The following DLG2 variants were observed in gnomAD, a reference collection of about 807,000 sequenced individuals.
DLG2 encodes the protein discs large MAGUK scaffold protein 2, also known as disks large homolog 2.
Under a neutral mutation model 132.5 loss-of-function variants are expected in DLG2, and 45 were observed. The observed-to-expected ratio is 0.34, with a 90% confidence interval of 0.27 to 0.44. The LOEUF (loss-of-function observed/expected upper bound fraction) is 0.44, where lower values mean the gene tolerates loss of function less well. DLG2 is among the 20% of genes least tolerant of loss of function. The pLI, the probability that DLG2 is intolerant of heterozygous loss-of-function variation, is 1.00. For missense variants in DLG2, 1,045 were observed against 1,196.9 expected, an observed-to-expected ratio of 0.87 and a Z score of 1.87; for synonymous variants, 424 against 419.6, an observed-to-expected ratio of 1.01 and a Z score of -0.13.
chr11:83,927,344 C>T (rs1043189131), intron 15 of DLG2, among the ~76,000 whole-genome samples: 1 of 152,032 alleles, frequency 6.6e-6, no homozygotes, highest in Admixed American at 6.6e-5. Flanking sequence ...TTGCTTGAGT[C>T]TTATGAAAAA....
chr11:84,454,716 G>C (rs144987981), intron 7 of DLG2, among the ~76,000 whole-genome samples: 478 of 151,534 alleles, frequency 3.2e-3, no homozygotes, highest in African/African-American at 0.011. Flanking sequence ...TAATCCAGCT[G>C]AGAAAATAAG....
chr11:84,845,608 G>T (rs1257580260), intron 6 of DLG2, among the ~76,000 whole-genome samples: 1 of 151,480 alleles, frequency 6.6e-6, no homozygotes, highest in Non-Finnish European at 1.5e-5. Context: ...TAGATCTATT[G>T]GCAGAATTTT....
At chr11:83,833,361 C>T (rs2055133842) in intron 17 of DLG2, among the ~76,000 whole-genome samples, 2 of 152,224 alleles carry the variant, frequency 1.3e-5, no homozygotes, top group African/African-American at 4.8e-5. Flanking sequence ...TCACCTCAAC[C>T]CGGGAGGCAG....
intron 11 of DLG2, among the ~76,000 whole-genome samples, chr11:84,025,738 G>A (rs146940553): frequency 3.1e-4 from 47 of 152,102 alleles, no homozygotes; most frequent in Admixed American, 4.6e-4. Flanking sequence ...TTCTGTTCAA[G>A]GTGCTACAAA....
chr11:85,055,054 A>T (rs1031888408), intron 6 of DLG2, among the ~76,000 whole-genome samples: 1 of 152,200 alleles, frequency 6.6e-6, no homozygotes, highest in African/African-American at 2.4e-5. Context: ...TGGCAGCACA[A>T]TATTTAGAAT....
chr11:84,905,732 T>G (rs2091428651), intron 6 of DLG2, among the ~76,000 whole-genome samples: 1 of 152,220 alleles, frequency 6.6e-6, no homozygotes, highest in Non-Finnish European at 1.5e-5. Flanking sequence ...TTTTATAGTC[T>G]ATTCCTGAAC....
At chr11:84,446,043 A>G (rs1456727290) in intron 7 of DLG2, among the ~76,000 whole-genome samples, 1 of 148,790 alleles carries the variant, frequency 6.7e-6, no homozygotes, top group African/African-American at 2.5e-5. Context: ...TACCCGTACT[A>G]TTGCTTCATA....
intron 6 of DLG2, among the ~76,000 whole-genome samples, chr11:84,798,042 G>A (rs555180864): frequency 1.7e-4 from 26 of 152,202 alleles, no homozygotes; most frequent in African/African-American, 4.3e-4. Context: ...CTCTCTTTGC[G>A]CTGAGCCACC....
intron 6 of DLG2, among the ~76,000 whole-genome samples, chr11:84,921,315 C>T (rs77169760): frequency 0.013 from 2,007 of 152,126 alleles, 38 homozygotes; most frequent in African/African-American, 0.045. Context: ...CTAATCTACT[C>T]AAAGGAAGGT....
chr11:83,467,842 C>CATAT lies in DLG2; in HGVS notation c.2620-1029_2620-1026dup, dbSNP rs72288955. Among the ~76,000 whole-genome samples, 24 of 117,686 alleles carry CATAT rather than the reference C, an allele frequency of 2.0e-4. 1 individual carries two copies. Among genetic ancestry groups the CATAT allele is most frequent in the South Asian group, 1.2e-3 (4 of 3,384 alleles). 77.2% of individuals were successfully genotyped at this position (117,686 alleles called of 152,430 possible). A position where few individuals can be genotyped will look rare whatever the true frequency, so the allele number is the denominator to read the frequency against. On this transcript the variant is annotated intron_variant, in intron 25 of 27. Coordinates refer to ENST00000376104, the MANE Select transcript of DLG2 (RefSeq NM_001142699.3). ...ACACATATAAAATATATAATTAAAA[C>CATAT]ATATATATATATATATATATAAATT...
At chr11:85,496,426 T>A (rs1367713464) in intron 3 of DLG2, among the ~76,000 whole-genome samples, 1 of 152,186 alleles carries the variant, frequency 6.6e-6, no homozygotes. Context: ...AAGCTCAAAC[T>A]GGGTGAAGCC....
intron 6 of DLG2, among the ~76,000 whole-genome samples, chr11:84,994,316 G>T (rs2154126964): frequency 6.6e-6 from 1 of 152,196 alleles, no homozygotes; most frequent in Admixed American, 6.5e-5. Flanking sequence ...AAACAGAATT[G>T]GTACTTCAAG....
chr11:85,486,010 A>C (rs960331901), intron 3 of DLG2, among the ~76,000 whole-genome samples: 4 of 152,180 alleles, frequency 2.6e-5, no homozygotes, highest in Non-Finnish European at 5.9e-5. Context: ...TGTGAAACCA[A>C]AGAATGAGTA....
intron 7 of DLG2, among the ~76,000 whole-genome samples, chr11:84,514,171 T>C (rs930758764): frequency 2.4e-4 from 37 of 152,078 alleles, no homozygotes; most frequent in African/African-American, 8.9e-4. Context: ...AAATGGCTTT[T>C]ATCCAAAAGT....
intron 16 of DLG2, among the ~76,000 whole-genome samples, chr11:83,871,883 G>T (rs930143533): frequency 6.6e-6 from 1 of 151,556 alleles, no homozygotes; most frequent in African/African-American, 2.4e-5. Flanking sequence ...AATAAATTTT[G>T]TTTTTTTTCA....
chr11:84,917,810 A>T (rs185391420), intron 6 of DLG2, among the ~76,000 whole-genome samples: 3 of 152,194 alleles, frequency 2.0e-5, no homozygotes, highest in Non-Finnish European at 4.4e-5. Context: ...CAATATACCA[A>T]ATTGGTGTCC....
In DLG2 at chr11:85,194,690, T is replaced by C. The variant is rs1035187990; in HGVS notation, c.187-40039A>G. Among the ~76,000 whole-genome samples the C allele has an allele frequency of 3.3e-5, 5 of 151,604 alleles. 1 individual carries two copies. The South Asian group carries it at 6.3e-4, about 19-fold the overall frequency. On this transcript the variant is annotated intron_variant, in intron 4 of 27. Coordinates refer to ENST00000376104, the MANE Select transcript of DLG2 (RefSeq NM_001142699.3). Reference sequence around the variant, plus strand: ...AAGTTAAATGCTGGTACATCCCTCATAGGGGCTTATAATCCTGTCCATCCT... The same window carrying C: ...AAGTTAAATGCTGGTACATCCCTCACAGGGGCTTATAATCCTGTCCATCCT...
Position 85,134,810 on chromosome 11 carries a change from A to G in DLG2, c.282+19746T>C, listed in dbSNP as rs541988260. Among the ~76,000 whole-genome samples the G allele has an allele frequency of 1.7e-4, 26 of 152,258 alleles. No individual in the cohort carries two copies. In the South Asian group the frequency reaches 5.4e-3, roughly 32 times the overall value. On this transcript the variant is annotated intron_variant, in intron 5 of 27. Coordinates refer to ENST00000376104, the MANE Select transcript of DLG2 (RefSeq NM_001142699.3). ...AGAAAAGACAAGCTCCTAAAGTTCA[A>G]TTTGATATAAAAACCTTCAAAAGTG...
chr11:84,900,673 A>G (rs1482692005), intron 6 of DLG2, among the ~76,000 whole-genome samples: 1 of 152,094 alleles, frequency 6.6e-6, no homozygotes, highest in Non-Finnish European at 1.5e-5. Context: ...ATGTTCATGC[A>G]TAACTGGATC....
Sources: allele counts gnomAD v4.1 joint callset (sites outside exome capture counted in the v4.1 genomes callset), GRCh38; gene constraint gnomAD v4.1.1; transcripts MANE v1.5; gene names NCBI Gene and HGNC (gene_info 2026-07-23, HGNC 2026-07-21).